The following CA12 variants were observed in gnomAD, a reference collection of about 807,000 sequenced individuals.
CA12 encodes carbonate dehydratase XII.
Under a neutral mutation model 46.8 loss-of-function variants are expected in CA12, and 36 were observed. The ratio of observed to expected loss-of-function variants is 0.77; its 90% CI spans 0.59 to 1.02. The LOEUF (loss-of-function observed/expected upper bound fraction) is 1.02, where lower values mean the gene tolerates loss of function less well. Ranked by LOEUF, CA12 falls within the 50% of genes least tolerant of loss-of-function variation. The pLI is 0.00. For missense variants in CA12, 436 were observed against 451.4 expected (o/e 0.97, Z 0.31); for synonymous variants, 202 against 187.0 (o/e 1.08, Z -0.65).
chr15:63,326,198 T>C lies in CA12; in HGVS notation c.*87A>G. ...TGCAGATTGAGCTACAGAGAACACC[T>C]TGAGGTGTCGCAAGTGTCCAGAGAG... is the stretch of plus-strand genomic sequence containing the variant. On this transcript the variant is annotated 3_prime_UTR_variant, in exon 11 of 11. Coordinates refer to ENST00000178638, the MANE Select transcript of CA12 (RefSeq NM_001218.5). The C allele has an allele frequency of 1.0e-6, 1 of 988,442 alleles. No homozygotes were observed. Among genetic ancestry groups the C allele is most frequent in the Non-Finnish European group, 1.6e-6 (1 of 613,162 alleles). 61.2% of individuals were successfully genotyped at this position (988,442 alleles called of 1,614,324 possible). A position where few individuals can be genotyped will look rare whatever the true frequency, so the allele number is the denominator to read the frequency against.
Position 63,335,264 on chromosome 15 carries a change from G to C in CA12, c.874+3555C>G, listed in dbSNP as rs140071786. ...AGTAGTGCTAAGGTTGAGAAACTCTGCCCCCAGGCTAAGGTGTAGCTGGAC... is the reference window on the plus strand; with the variant it reads ...AGTAGTGCTAAGGTTGAGAAACTCTCCCCCCAGGCTAAGGTGTAGCTGGAC... On this transcript the variant is annotated intron_variant, in intron 8 of 10. Coordinates refer to ENST00000178638, the MANE Select transcript of CA12 (RefSeq NM_001218.5). Among the ~76,000 whole-genome samples, 411 of 152,214 alleles carry C rather than the reference G, an allele frequency of 2.7e-3. 10 individuals are homozygous for C. Among genetic ancestry groups the C allele is most frequent in the Admixed American group, 0.024 (372 of 15,282 alleles).
chr15:63,380,450 T>C (rs1159597035), intron 1 of CA12, among the ~76,000 whole-genome samples: 1 of 152,186 alleles, frequency 6.6e-6, no homozygotes, highest in Non-Finnish European at 1.5e-5. Flanking sequence ...TGGAGCAACT[T>C]AGGACTAAAG....
chr15:63,379,459 A>G (rs374822400), intron 1 of CA12, among the ~76,000 whole-genome samples: 1 of 152,382 alleles, frequency 6.6e-6, no homozygotes. Flanking sequence ...CTGTAAGAAC[A>G]GAAGGCTTAA....
At position 63,328,789 on chromosome 15, in the gene CA12, C is replaced by G. The variant is rs570116423; in HGVS notation, c.875-659G>C. 6.6e-6 allele frequency among the ~76,000 whole-genome samples: 1 copy of G among 152,218 alleles called. No homozygotes were observed. Among genetic ancestry groups the G allele is most frequent in the African/African-American group, 2.4e-5 (1 of 41,462 alleles). ...AATCTTGGCTCACTGCAACCTCCAC[C>G]TCCTGGGTTCAAGCAATTCTCATGC... On this transcript the variant is annotated intron_variant, in intron 8 of 10. Coordinates refer to ENST00000178638, the MANE Select transcript of CA12 (RefSeq NM_001218.5). This position sits in a 1 kb window ranked among gnomAD's most constrained non-coding sequence, Gnocchi z 5.9.
At chr15:63,333,026 C>T (rs1284648089) in intron 8 of CA12, among the ~76,000 whole-genome samples, 10 of 152,124 alleles carry the variant, frequency 6.6e-5, no homozygotes, top group East Asian at 3.8e-4. Context: ...GAGATGGAGA[C>T]GTGGTTCTGG....
intron 2 of CA12, 179 bp downstream of exon 2, chr15:63,375,479 T>C (rs2039558343): frequency 3.5e-6 from 2 of 569,352 alleles, no homozygotes; most frequent in East Asian, 6.0e-5. Context: ...AAGTGCAGTA[T>C]GCAACCCAAG....
At chr15:63,326,403 C>G in intron 10 of CA12, 46 bp from the exon 11 acceptor site, 2 of 1,509,568 alleles carry the variant, frequency 1.3e-6, no homozygotes, top group Non-Finnish European at 1.8e-6. Context: ...GGAGAGCGAG[C>G]GAGCCAGAGA....
Position 63,372,997 on chromosome 15 carries a change from C to T in CA12, c.106+2661G>A, listed in dbSNP as rs904875877. 2.4e-4 allele frequency among the ~76,000 whole-genome samples: 37 copies of T among 152,352 alleles called. No homozygotes were observed. Among genetic ancestry groups the T allele is most frequent in the African/African-American group, 8.9e-4 (37 of 41,566 alleles). ...AGCTAGTGGTCAGGGAGAAATGCTT[C>T]TGGACAGGTCAGTGTGGCTGCACTG... On this transcript the variant is annotated intron_variant, in intron 2 of 10. Transcript: ENST00000178638. This position sits in a 1 kb window ranked among gnomAD's most constrained non-coding sequence, Gnocchi z 4.5.
At chr15:63,370,067 C>T (rs2039483759) in intron 2 of CA12, among the ~76,000 whole-genome samples, 1 of 152,198 alleles carries the variant, frequency 6.6e-6, no homozygotes, top group African/African-American at 2.4e-5. Context: ...TTAGAAGTAA[C>T]TGAAACTACA....
intron 10 of CA12, 123 bp from the exon 11 acceptor site, chr15:63,326,480 C>T (rs1595772272): frequency 2.6e-6 from 2 of 761,670 alleles, no homozygotes; most frequent in Non-Finnish European, 4.7e-6. Flanking sequence ...GGGACCTTTC[C>T]CCAATTCTGT....
chr15:63,352,912 A>C (rs2039251754), intron 2 of CA12, among the ~76,000 whole-genome samples: 1 of 152,218 alleles, frequency 6.6e-6, no homozygotes, highest in Non-Finnish European at 1.5e-5. Flanking sequence ...TTTGCAATAA[A>C]AAACGAGTAC....
At chr15:63,381,034 TG>T (rs1181141857) in intron 1 of CA12, among the ~76,000 whole-genome samples, 2 of 151,406 alleles carry the variant, frequency 1.3e-5, no homozygotes, top group Non-Finnish European at 2.9e-5. Flanking sequence ...TGTGTGTGTG[TG>T]TGTGGTTTGT....
chr15:63,371,781 T>G (rs1016447127), intron 2 of CA12, among the ~76,000 whole-genome samples: 1 of 152,188 alleles, frequency 6.6e-6, no homozygotes, highest in Non-Finnish European at 1.5e-5. Context: ...TGCTCTCGGG[T>G]CTAGCTCCAA....
intron 4 of CA12, among the ~76,000 whole-genome samples, chr15:63,343,832 C>T (rs999096420): frequency 2.0e-5 from 3 of 152,120 alleles, no homozygotes; most frequent in African/African-American, 7.2e-5. Context: ...AATCTCGAGA[C>T]CCCCAAATCA....
intron 2 of CA12, among the ~76,000 whole-genome samples, chr15:63,354,880 C>T (rs573753159): frequency 6.6e-6 from 1 of 152,278 alleles, no homozygotes; most frequent in Non-Finnish European, 1.5e-5. Context: ...CGCCAATAAT[C>T]CCCGTCTAAT....
Position 63,372,061 on chromosome 15 carries a change from C to A in CA12, c.106+3597G>T, listed in dbSNP as rs1263076704. Reference sequence around the variant, plus strand: ...TGACTGCAGCACCCACACCAAGGACCTGAACGTGCCCACAACCCTTCCTGC... The same window carrying A: ...TGACTGCAGCACCCACACCAAGGACATGAACGTGCCCACAACCCTTCCTGC... On this transcript the variant is annotated intron_variant, in intron 2 of 10. Coordinates refer to ENST00000178638, the MANE Select transcript of CA12 (RefSeq NM_001218.5). This position sits in a 1 kb window ranked among gnomAD's most constrained non-coding sequence, Gnocchi z 4.5. Among the ~76,000 whole-genome samples, 4 of 152,288 alleles carry A rather than the reference C, an allele frequency of 2.6e-5. 1 individual carries two copies. The highest frequency in any genetic ancestry group is 4.1e-4 in the South Asian group (2 of 4,822).
chr15:63,342,327 T>C (rs191378436), intron 4 of CA12, among the ~76,000 whole-genome samples: 127 of 152,218 alleles, frequency 8.3e-4, no homozygotes, highest in Non-Finnish European at 1.1e-3. Flanking sequence ...AATACATCAA[T>C]CAATACGTAC....
chr15:63,374,625 G>A lies in CA12; in HGVS notation c.106+1033C>T, dbSNP rs1264922989. On this transcript the variant is annotated intron_variant, in intron 2 of 10. Coordinates refer to ENST00000178638, the MANE Select transcript of CA12 (RefSeq NM_001218.5). This position sits in a 1 kb window ranked among gnomAD's most constrained non-coding sequence, Gnocchi z 4.4. Reference sequence around the variant, plus strand: ...GCTGGGGCTGAGGGGACCTTGGCCTGTGGGTAGCTGGTTGGTCAGTTCAGT... The same window carrying A: ...GCTGGGGCTGAGGGGACCTTGGCCTATGGGTAGCTGGTTGGTCAGTTCAGT... Among the ~76,000 whole-genome samples, 1 of 152,190 alleles carries A rather than the reference G, an allele frequency of 6.6e-6. No homozygotes were observed. Among genetic ancestry groups the A allele is most frequent in the Admixed American group, 6.5e-5 (1 of 15,278 alleles).
chr15:63,376,604 C>CTTTCTT (rs1325632435), intron 1 of CA12, among the ~76,000 whole-genome samples: 232 of 13,070 alleles, frequency 0.018, 1 homozygote, highest in Middle Eastern at 0.05. Flanking sequence ...CTTTCTTTCT[C>CTTTCTT]TCTCTCTCGC....
Sources: allele counts gnomAD v4.1 joint callset (sites outside exome capture counted in the v4.1 genomes callset), GRCh38; gene constraint gnomAD v4.1.1; non-coding constraint Gnocchi (gnomAD v3.1); transcripts MANE v1.5; gene names NCBI Gene and HGNC (gene_info 2026-07-23, HGNC 2026-07-21).